TRAF3IP1: variants seen among roughly 807,000 people sequenced by gnomAD.
TRAF3IP1 encodes the protein TRAF3-interacting protein 1.
Under a neutral mutation model 89.9 loss-of-function variants are expected in TRAF3IP1, and 53 were observed. That is an observed-to-expected ratio of 0.59 (90% CI 0.47 to 0.74). TRAF3IP1 has a LOEUF of 0.74. TRAF3IP1 is among the 30% of genes least tolerant of loss of function. The pLI, the probability that TRAF3IP1 is intolerant of heterozygous loss-of-function variation, is 0.00. For missense variants in TRAF3IP1, 806 were observed against 866.1 expected (o/e 0.93, Z 0.87); for synonymous variants, 311 against 322.1 (o/e 0.97, Z 0.37).
At chr2:238,330,423 G>C (rs768701968) in intron 5 of TRAF3IP1, among the ~76,000 whole-genome samples, 1 of 152,188 alleles carries the variant, frequency 6.6e-6, no homozygotes, top group Non-Finnish European at 1.5e-5. Context: ...ATTCTTTGGG[G>C]GATGTCAAAT....
intron 15 of TRAF3IP1, among the ~76,000 whole-genome samples, chr2:238,359,534 T>C (rs1699571429): frequency 6.6e-6 from 1 of 152,248 alleles, no homozygotes; most frequent in East Asian, 1.9e-4. Context: ...TTATCCATGT[T>C]GTTGCAGCGT....
chr2:238,388,239 A>G (rs756935128), intron 15 of TRAF3IP1, among the ~76,000 whole-genome samples: 4 of 151,730 alleles, frequency 2.6e-5, no homozygotes, highest in Non-Finnish European at 5.9e-5. Flanking sequence ...GCCTGGCGTG[A>G]TGATGCGTGC....
chr2:238,364,361 G>A (rs1047149824), intron 15 of TRAF3IP1, among the ~76,000 whole-genome samples: 1 of 151,568 alleles, frequency 6.6e-6, no homozygotes, highest in Admixed American at 6.6e-5. Flanking sequence ...CTTTTCAAGA[G>A]GAAATATAAA....
chr2:238,323,165 G>C (rs1296304358), intron 1 of TRAF3IP1, among the ~76,000 whole-genome samples: 6 of 151,094 alleles, frequency 4.0e-5, no homozygotes, highest in Non-Finnish European at 7.4e-5. Flanking sequence ...TGCAACTTAC[G>C]CCTCCCAGGT....
chr2:238,359,107 A>G (rs927708878), intron 15 of TRAF3IP1, among the ~76,000 whole-genome samples: 1 of 152,250 alleles, frequency 6.6e-6, no homozygotes, highest in Non-Finnish European at 1.5e-5. Flanking sequence ...TGTGGGCTAT[A>G]GTTTACTGAT....
chr2:238,356,104 A>C, intron 15 of TRAF3IP1, 24 bp downstream of exon 15: 1 of 1,567,686 alleles, frequency 6.4e-7, no homozygotes, highest in South Asian at 1.1e-5. Flanking sequence ...TTCCATAAAC[A>C]CTGGCATTTT....
chr2:238,341,548 A>ATTTT (rs1559364578), intron 8 of TRAF3IP1, among the ~76,000 whole-genome samples: 1 of 126,250 alleles, frequency 7.9e-6, no homozygotes, highest in African/African-American at 3.5e-5. Flanking sequence ...TTTTTTTTTA[A>ATTTT]AAAAAAAACA....
intron 15 of TRAF3IP1, among the ~76,000 whole-genome samples, chr2:238,359,098 G>T (rs191188581): frequency 1.3e-5 from 2 of 152,254 alleles, no homozygotes; most frequent in African/African-American, 4.8e-5. Flanking sequence ...GGTCCAGGCT[G>T]TGGGCTATAG....
In TRAF3IP1 at chr2:238,335,832, A is replaced by T. The variant is rs564113348; in HGVS notation, c.1063+1797A>T. Reference sequence around the variant, plus strand: ...TTTATTTATTTTGAGACGGAGTCTCACTCTGTTGCCAGACTGGAGTGCAGT... The same window carrying T: ...TTTATTTATTTTGAGACGGAGTCTCTCTCTGTTGCCAGACTGGAGTGCAGT... On this transcript the variant is annotated intron_variant, in intron 7 of 16. Transcript: ENST00000373327. 1.2e-4 allele frequency among the ~76,000 whole-genome samples: 18 copies of T among 150,590 alleles called. No individual in the cohort carries two copies. In the East Asian group the frequency reaches 3.5e-3, roughly 29 times the overall value.
rs959591516 is a variant in TRAF3IP1 at position 238,397,391 on chromosome 2, T to C, written c.1690-68T>C. 7 of 1,415,028 alleles carry C rather than the reference T, an allele frequency of 4.9e-6. No individual in the cohort carries two copies. In the African/African-American group the frequency reaches 7.0e-5, roughly 14 times the overall value. 87.7% of individuals were successfully genotyped at this position (1,415,028 alleles called of 1,614,324 possible). A position where few individuals can be genotyped will look rare whatever the true frequency, so the allele number is the denominator to read the frequency against. On this transcript the variant is annotated intron_variant, in intron 15 of 16. Transcript: ENST00000373327. ...CCCAGCCCCATGGCCGTGTGCTGAG[T>C]GCACCGGCCCTGTTCTGCCTTTGGA...
At chr2:238,354,612 C>T (rs944754047) in intron 14 of TRAF3IP1, among the ~76,000 whole-genome samples, 4 of 152,148 alleles carry the variant, frequency 2.6e-5, no homozygotes, top group East Asian at 1.9e-4. Context: ...TTACTGGAAA[C>T]GCTGAAGGAT....
chr2:238,371,619 G>A (rs1004172483), intron 15 of TRAF3IP1, among the ~76,000 whole-genome samples: 1 of 152,152 alleles, frequency 6.6e-6, no homozygotes, highest in East Asian at 1.9e-4. Flanking sequence ...GATGACCAGC[G>A]CAGTGGCCAC....
At chr2:238,344,698 C>T in intron 9 of TRAF3IP1, 100 bp downstream of exon 9, 1 of 1,003,336 alleles carries the variant, frequency 1.0e-6, no homozygotes, top group Non-Finnish European at 1.6e-6. Context: ...AGGTTTTCCT[C>T]TTGGGTCTGA....
chr2:238,340,172 A>T (rs1698573194), intron 8 of TRAF3IP1, among the ~76,000 whole-genome samples: 1 of 152,164 alleles, frequency 6.6e-6, no homozygotes, highest in Non-Finnish European at 1.5e-5. Context: ...GTCCTGCCAC[A>T]GCGCGGACCT....
chr2:238,323,860 A>G (rs1260727419), intron 1 of TRAF3IP1, among the ~76,000 whole-genome samples: 1 of 152,168 alleles, frequency 6.6e-6, no homozygotes, highest in Admixed American at 6.5e-5. Context: ...GGTTGAGAGG[A>G]ACAGGAAAAA....
chr2:238,322,687 CAAAAAAAA>C (rs71043130), intron 1 of TRAF3IP1, among the ~76,000 whole-genome samples: 6 of 43,586 alleles, frequency 1.4e-4, no homozygotes, highest in African/African-American at 5.5e-4. Flanking sequence ...GACCCTGTCT[CAAAAAAAA>C]AAAAAAAAAA....
chr2:238,333,754 A>T (rs1698240441), intron 6 of TRAF3IP1, among the ~76,000 whole-genome samples: 1 of 152,176 alleles, frequency 6.6e-6, no homozygotes. Context: ...TGGAATTCTA[A>T]ATATAGTGTG....
At position 238,325,846 on chromosome 2, in the gene TRAF3IP1, T is replaced by C. The variant is rs143375220; in HGVS notation, c.230T>C (p.Ile77Thr). The C allele has an allele frequency of 6.8e-6, 11 of 1,614,026 alleles. No homozygotes were observed. Among genetic ancestry groups the C allele is most frequent in the African/African-American group, 4.0e-5 (3 of 74,928 alleles). The change falls in exon 3 of 17, where the codon ATA becomes ACA. Residue 77 changes from isoleucine (I) to threonine (T), a missense_variant. Ile to Thr is a moderately conservative substitution (Grantham distance 89). This residue lies in a region of TRAF3IP1 where 732 missense variants were observed against 780.5 expected (regional missense o/e 0.94). Coordinates refer to ENST00000373327, the MANE Select transcript of TRAF3IP1 (RefSeq NM_015650.4). ...DAKISFLQKA[I>T]DVVVMVSGEP... ...AAAATTAGCTTCCTACAAAAGGCCATAGACGTGGTTGTAATGGTGTCGGGA... is the reference window on the plus strand; with the variant it reads ...AAAATTAGCTTCCTACAAAAGGCCACAGACGTGGTTGTAATGGTGTCGGGA...
In TRAF3IP1 at chr2:238,398,794, G is replaced by C; in HGVS notation, c.1951G>C (p.Ala651Pro). 2 of 1,612,146 alleles carry C rather than the reference G, an allele frequency of 1.2e-6. No individual in the cohort carries two copies. The highest frequency in any genetic ancestry group is 1.7e-6 in the Non-Finnish European group (2 of 1,179,450). Reference protein sequence around the residue: ...CAVEPLKAELAELEQLIKDQQ... With the variant: ...CAVEPLKAELPELEQLIKDQQ... ...CGTGGAGCCCTTAAAGGCTGAGCTCGCGGAGCTGGAGCAGCTGATCAAAGA... is the reference window on the plus strand; with the variant it reads ...CGTGGAGCCCTTAAAGGCTGAGCTCCCGGAGCTGGAGCAGCTGATCAAAGA... The change falls in exon 17 of 17, where the codon GCG becomes CCG. Residue 651 changes from alanine (A) to proline (P), a missense_variant. By Grantham distance (27) the Ala-to-Pro change is conservative (BLOSUM62 -1). Around this residue, in one of 3 missense-constraint regions of TRAF3IP1, gnomAD observed 70 missense variants for 67.8 expected, o/e 1.03. Transcript: ENST00000373327.
Sources: gnomAD v4.1 joint callset for allele counts (sites outside exome capture counted in the v4.1 genomes callset) on GRCh38, gnomAD v4.1.1 for gene constraint, gnomAD v4.1.1 regional missense constraint, MANE v1.5 for transcripts, NCBI Gene and HGNC (gene_info 2026-07-23, HGNC 2026-07-21) for gene names.